DSE: variants seen among roughly 807,000 people sequenced by gnomAD.
The protein encoded by DSE is dermatan-sulfate epimerase.
DSE carries 36 observed loss-of-function variants against 84.4 expected under a neutral mutation model. The ratio of observed to expected loss-of-function variants is 0.43; its 90% CI spans 0.33 to 0.56. The LOEUF is 0.56. Ranked by LOEUF, DSE falls within the 20% of genes least tolerant of loss-of-function variation. The pLI is 0.06. For synonymous variants in DSE, 410 were observed against 430.1 expected (o/e 0.95, Z 0.58); for missense variants, 862 against 1,169.6 (o/e 0.74, Z 3.84).
At chr6:116,419,482 C>T (rs1184187356) in intron 2 of DSE, among the ~76,000 whole-genome samples, 1 of 152,148 alleles carries the variant, frequency 6.6e-6, no homozygotes, top group Non-Finnish European at 1.5e-5. Context: ...TTACTGTGTT[C>T]AGGAGACTTT....
intron 2 of DSE, among the ~76,000 whole-genome samples, chr6:116,313,290 A>G (rs1323680168): frequency 6.6e-6 from 1 of 152,194 alleles, no homozygotes; most frequent in Non-Finnish European, 1.5e-5. Context: ...AGCTTCCAGA[A>G]CTGTGAGACA....
intron 2 of DSE, among the ~76,000 whole-genome samples, chr6:116,337,799 A>G (rs1219508734): frequency 8.3e-6 from 1 of 121,080 alleles, no homozygotes; most frequent in Non-Finnish European, 1.8e-5. Context: ...ATGAGTTTAC[A>G]TACTTCTTAT....
At chr6:116,421,234 G>A (rs1783051823) in intron 2 of DSE, among the ~76,000 whole-genome samples, 1 of 151,502 alleles carries the variant, frequency 6.6e-6, no homozygotes. Context: ...TAAACTTTTT[G>A]GACTTGGAAG....
intron 2 of DSE, among the ~76,000 whole-genome samples, chr6:116,300,334 A>AT (rs1774955603): frequency 6.6e-6 from 1 of 152,234 alleles, no homozygotes; most frequent in South Asian, 2.1e-4. Flanking sequence ...TACAATACTC[A>AT]TTTCCTTCCA....
intron 2 of DSE, among the ~76,000 whole-genome samples, chr6:116,318,822 A>G (rs1264551523): frequency 5.3e-5 from 8 of 152,214 alleles, no homozygotes; most frequent in Admixed American, 5.2e-4. Flanking sequence ...CTTGCTTATT[A>G]ATAACAATAA....
At chr6:116,371,394 C>G (rs1042877923) in intron 1 of DSE, among the ~76,000 whole-genome samples, 1 of 152,200 alleles carries the variant, frequency 6.6e-6, no homozygotes, top group African/African-American at 2.4e-5. Flanking sequence ...CCCCCTTGAA[C>G]GCCGAGCACC....
At chr6:116,375,444 C>T in intron 1 of DSE, 1 of 702,806 alleles carries the variant, frequency 1.4e-6, no homozygotes, top group Non-Finnish European at 1.7e-6. Context: ...TTCGAGGCTG[C>T]AGTGAGCTAT....
At chr6:116,409,286 T>G (rs1209251611) in intron 2 of DSE, among the ~76,000 whole-genome samples, 1 of 152,212 alleles carries the variant, frequency 6.6e-6, no homozygotes, top group Non-Finnish European at 1.5e-5. Flanking sequence ...TTTGTTTTTT[T>G]GTTTTTTGGA....
chr6:116,265,155 G>A (rs907550889), intron 2 of DSE, among the ~76,000 whole-genome samples: 2 of 152,172 alleles, frequency 1.3e-5, no homozygotes, highest in African/African-American at 2.4e-5. Flanking sequence ...CAGAGGAAAT[G>A]CAGCTGCAGG....
chr6:116,357,030 C>A (rs1778613102), intron 2 of DSE, among the ~76,000 whole-genome samples: 1 of 152,152 alleles, frequency 6.6e-6, no homozygotes, highest in Admixed American at 6.5e-5. Flanking sequence ...GCCTTAGTAT[C>A]TTTGCAAAAT....
At chr6:116,404,986 GT>G (rs34557502) in intron 2 of DSE, among the ~76,000 whole-genome samples, 151 of 136,530 alleles carry the variant, frequency 1.1e-3, no homozygotes, top group East Asian at 4.0e-3. Flanking sequence ...AAGTAATTGT[GT>G]TTTTTTTTTT....
At chr6:116,370,879 A>C (rs1030186713), upstream of DSE, 1 of 985,394 alleles carries the variant, frequency 1.0e-6, no homozygotes, top group Non-Finnish European at 1.2e-6. Context: ...GCGGAGCCTC[A>C]GCGCCCGCCG....
chr6:116,309,554 A>C (rs1775547833), intron 2 of DSE, among the ~76,000 whole-genome samples: 2 of 152,224 alleles, frequency 1.3e-5, no homozygotes, highest in Admixed American at 6.5e-5. Context: ...TAAAAATAAC[A>C]CAATAGTTAT....
At chr6:116,279,137 G>A (rs1276746455) in intron 2 of DSE, 4 of 1,614,076 alleles carry the variant, frequency 2.5e-6, no homozygotes, top group Non-Finnish European at 3.4e-6. Context: ...ATGGCCTCCA[G>A]AGGGTCCATG....
intron 2 of DSE, among the ~76,000 whole-genome samples, chr6:116,284,668 C>A (rs528989166): frequency 1.1e-4 from 14 of 123,378 alleles, no homozygotes; most frequent in Non-Finnish European, 2.4e-4. Context: ...CCCCCTCCCC[C>A]CTCCCCCAAC....
intron 2 of DSE, among the ~76,000 whole-genome samples, chr6:116,337,438 C>A (rs928276070): frequency 6.6e-6 from 1 of 152,030 alleles, no homozygotes; most frequent in African/African-American, 2.4e-5. Flanking sequence ...GGTGAAACAC[C>A]GTCTCTACTA....
chr6:116,426,232 A>C (rs116767125), intron 2 of DSE, among the ~76,000 whole-genome samples: 44 of 152,312 alleles, frequency 2.9e-4, no homozygotes, highest in African/African-American at 1.0e-3. Flanking sequence ...GCACTGGTTA[A>C]ATGGGTATTC....
rs1784503636 is a variant in DSE, at chr6:116,443,996, G to C, written c.*6651G>C. The C allele has an allele frequency of 6.6e-6, 1 of 152,070 alleles. No homozygotes were observed. Among genetic ancestry groups the C allele is most frequent in the African/African-American group, 2.4e-5 (1 of 41,414 alleles). The allele number at this position is 152,070 out of a possible 1,614,324, so 9.4% of individuals were successfully genotyped here. A position where few individuals can be genotyped will look rare whatever the true frequency, so the allele number is the denominator to read the frequency against. ...ATCAGAGACCTCCAGTAAAATAAAA[G>C]GAATTTCTGTTTATTGTCTCCTTGA... On this transcript the variant is annotated 3_prime_UTR_variant, in exon 6 of 6. Transcript: ENST00000644252.
chr6:116,371,292 G>C (rs1779545403), intron 1 of DSE, among the ~76,000 whole-genome samples, 171 bp downstream of exon 1: 2 of 152,312 alleles, frequency 1.3e-5, no homozygotes, highest in South Asian at 4.1e-4. Flanking sequence ...GGCTCGGCTG[G>C]ACTCCGAGAG....
Sources: allele counts gnomAD v4.1 joint callset (sites outside exome capture counted in the v4.1 genomes callset), GRCh38; gene constraint gnomAD v4.1.1; transcripts MANE v1.5; gene names NCBI Gene and HGNC (gene_info 2026-07-23, HGNC 2026-07-21).